The following TRIM37 variants were observed in gnomAD, a reference collection of about 807,000 sequenced individuals.
TRIM37 encodes E3 ubiquitin-protein ligase TRIM37.
A neutral mutation model predicts 129.8 loss-of-function variants in TRIM37; 80 were observed. The ratio of observed to expected loss-of-function variants is 0.62; its 90% CI spans 0.51 to 0.74. The LOEUF is 0.74. Among genes scored for constraint, TRIM37 ranks in the 30% least tolerant of loss-of-function variants. The pLI is 0.00. For synonymous variants in TRIM37, 389 were observed against 387.1 expected, an observed-to-expected ratio of 1.00 and a Z score of -0.06; for missense variants, 1,054 against 1,176.5, an observed-to-expected ratio of 0.90 and a Z score of 1.52.
chr17:59,040,518 A>C (rs2039026058), intron 17 of TRIM37, among the ~76,000 whole-genome samples: 1 of 152,190 alleles, frequency 6.6e-6, no homozygotes, highest in African/African-American at 2.4e-5. Context: ...AAAGACAGTA[A>C]TTTGTGTTTG....
At chr17:59,016,599 C>CA (rs57582105) in intron 20 of TRIM37, among the ~76,000 whole-genome samples, 287 of 20,762 alleles carry the variant, frequency 0.014, 71 homozygotes, top group East Asian at 0.024. Flanking sequence ...CCTGTCTCGG[C>CA]AAAAAAAAAA....
Position 59,049,261 on chromosome 17 carries a change from C to G in TRIM37, c.1447G>C (p.Glu483Gln). 1.9e-6 allele frequency: 3 copies of G among 1,614,138 alleles called. 1 individual carries two copies. The South Asian group carries it at 3.3e-5, about 18-fold the overall frequency. ...ACAGAAGCTGTAGTAGGACCACCTTCGAGAAGCATGTCAGAGCATGCAGAC... is the reference window on the plus strand; with the variant it reads ...ACAGAAGCTGTAGTAGGACCACCTTGGAGAAGCATGTCAGAGCATGCAGAC... ...KKSACSDMLLEGGPTTASVRE... is the reference protein window; with the variant it reads ...KKSACSDMLLQGGPTTASVRE... Residue 483 changes from glutamate to glutamine, a missense_variant, in exon 15 of 24, where the codon GAA (glutamate) becomes CAA (glutamine). Physicochemically the swap from Glu to Gln is conservative, Grantham distance 29. Coordinates refer to ENST00000262294, the MANE Select transcript of TRIM37 (RefSeq NM_015294.6).
chr17:58,989,819 T>C (rs538283970), intron 24 of TRIM37, among the ~76,000 whole-genome samples: 1 of 152,094 alleles, frequency 6.6e-6, no homozygotes, highest in African/African-American at 2.4e-5. Context: ...GAAGAAATAT[T>C]CGAAGAGATA....
At chr17:59,003,744 T>C (rs188813206) in intron 22 of TRIM37, among the ~76,000 whole-genome samples, 3 of 150,822 alleles carry the variant, frequency 2.0e-5, no homozygotes, top group Non-Finnish European at 4.4e-5. Context: ...ACATCAATGA[T>C]GAGATGACAC....
rs1205617297 is a variant in TRIM37 at position 59,081,230 on chromosome 17, T to C, written c.370-11A>G. The C allele has an allele frequency of 1.2e-6, 2 of 1,611,862 alleles. No homozygotes were observed. Among genetic ancestry groups the C allele is most frequent in the Non-Finnish European group, 1.7e-6 (2 of 1,178,774 alleles). ...GGTATGTCCGCCATGCTATTTAAAT[T>C]AGAGTAGCTTTAGAACACTTTCACA... On this transcript the variant is annotated splice_polypyrimidine_tract_variant and intron_variant, in intron 5 of 23. Coordinates refer to ENST00000262294, the MANE Select transcript of TRIM37 (RefSeq NM_015294.6).
intron 2 of TRIM37, among the ~76,000 whole-genome samples, chr17:59,094,315 A>G (rs1165899803): frequency 2.0e-5 from 3 of 152,250 alleles, no homozygotes. Flanking sequence ...CATAATATTA[A>G]ACAAATATCT....
At chr17:58,982,600 C>A, downstream of TRIM37, 1 of 305,610 alleles carries the variant, frequency 3.3e-6, no homozygotes, top group Non-Finnish European at 6.1e-6. Context: ...ATTTTGGATA[C>A]CAGTATAGCT....
rs1195904901 is a variant in TRIM37 at position 59,064,401 on chromosome 17, A to G, written c.814T>C (p.Leu272=). 2.5e-6 allele frequency: 4 copies of G among 1,583,248 alleles called. No homozygotes were observed. In the East Asian group the frequency reaches 9.0e-5, roughly 36 times the overall value. The change falls in exon 10 of 24, where the codon TTA becomes CTA. Residue 272 remains leucine, a synonymous_variant. Transcript: ENST00000262294. ...GTAGCTGAATCGTAAGATGGCACTA[A>G]TTCACTAAAAAAAAAAAGGCAAAAA... ...TPVPPDFTSE[L]VPSYDSATFV...
chr17:59,050,370 TAAGGAAC>T, intron 14 of TRIM37, among the ~76,000 whole-genome samples: 1 of 152,204 alleles, frequency 6.6e-6, no homozygotes, highest in East Asian at 1.9e-4. Flanking sequence ...CTACTGCAAC[TAAGGAAC>T]TAAATTTTTA....
chr17:58,969,668 G>T, the TRIM37 span: 1 of 1,614,162 alleles, frequency 6.2e-7, no homozygotes, highest in Non-Finnish European at 8.5e-7. Flanking sequence ...TCCTGCTGAG[G>T]CCCTGTGCAG....
rs115581454 is a variant in TRIM37, at chr17:59,089,132, C to T, written c.165-725G>A. Among the ~76,000 whole-genome samples, 1,153 of 152,192 alleles carry T rather than the reference C, an allele frequency of 7.6e-3. 15 individuals carry two copies. Among genetic ancestry groups the T allele is most frequent in the African/African-American group, 0.026 (1,071 of 41,542 alleles). ...AGCCAAGTGCAATGGCATGTGCCTA[C>T]AGTCCCAGCTACCCATGAAGCTGAG... On this transcript the variant is annotated intron_variant, in intron 3 of 23. Coordinates refer to ENST00000262294, the MANE Select transcript of TRIM37 (RefSeq NM_015294.6).
At chr17:58,973,743 G>A in the TRIM37 span, among the ~76,000 whole-genome samples, 2 of 152,006 alleles carry the variant, frequency 1.3e-5, no homozygotes, top group Non-Finnish European at 2.9e-5. Flanking sequence ...ATGAGGTCAG[G>A]AGATGGAGAC....
At chr17:59,020,265 TAACAAAGACAAAAGC>T (rs966946927) in intron 19 of TRIM37, among the ~76,000 whole-genome samples, 11 of 97,576 alleles carry the variant, frequency 1.1e-4, no homozygotes, top group Non-Finnish European at 2.1e-5. Flanking sequence ...AAAAAAGCAT[TAACAAAGACAAAAGC>T]AGAAATATAA....
At chr17:59,029,263 A>G (rs2037572735) in intron 18 of TRIM37, among the ~76,000 whole-genome samples, 1 of 152,204 alleles carries the variant, frequency 6.6e-6, no homozygotes, top group Non-Finnish European at 1.5e-5. Flanking sequence ...CCCTATCTGT[A>G]CAAAAAAAAA....
At chr17:58,969,517 T>C in the TRIM37 span, 1 of 1,613,212 alleles carries the variant, frequency 6.2e-7, no homozygotes, top group Non-Finnish European at 8.5e-7. Flanking sequence ...CTCCCATAAC[T>C]GTTCTGTGTT....
intron 2 of TRIM37, among the ~76,000 whole-genome samples, chr17:59,103,651 T>TA (rs1214394530): frequency 7.6e-6 from 1 of 132,154 alleles, no homozygotes; most frequent in African/African-American, 2.8e-5. Context: ...AACATTCAAG[T>TA]TTTTTTTTTT....
intron 24 of TRIM37, among the ~76,000 whole-genome samples, chr17:58,990,990 TG>T (rs1378185174): frequency 2.0e-5 from 3 of 149,378 alleles, no homozygotes; most frequent in Admixed American, 6.7e-5. Context: ...CTGGCTAACA[TG>T]GTGAAACCCC....
chr17:59,015,732 G>A lies in TRIM37; in HGVS notation c.2454C>T (p.Ile818=), dbSNP rs752013260. 3.6e-5 allele frequency: 58 copies of A among 1,613,862 alleles called. No homozygotes were observed. Among genetic ancestry groups the A allele is most frequent in the East Asian group, 1.1e-4 (5 of 44,880 alleles). ...SSPRALIHGS[I]GDILPKTEDR... is the part of the protein sequence containing the mutation. ...CTTCAGTTTTTGGCAGAATATCACC[G>A]ATACTGCCATGTATCAAGGCTCGGG... The change falls in exon 21 of 24, where the codon ATC becomes ATT. Residue 818 remains isoleucine (I), a synonymous_variant. Coordinates refer to ENST00000262294, the MANE Select transcript of TRIM37 (RefSeq NM_015294.6).
At chr17:59,040,212 T>A (rs1483654345) in intron 17 of TRIM37, among the ~76,000 whole-genome samples, 1 of 151,888 alleles carries the variant, frequency 6.6e-6, no homozygotes, top group Non-Finnish European at 1.5e-5. Context: ...GGTAGAGAAG[T>A]AACATGATTA....
Sources: gnomAD v4.1 joint callset for allele counts (sites outside exome capture counted in the v4.1 genomes callset) on GRCh38, gnomAD v4.1.1 for gene constraint, MANE v1.5 for transcripts, NCBI Gene and HGNC (gene_info 2026-07-23, HGNC 2026-07-21) for gene names.